RNF169: variants seen among roughly 807,000 people sequenced by gnomAD.
RNF169 encodes E3 ubiquitin-protein ligase RNF169.
Under a neutral mutation model 53.9 loss-of-function variants are expected in RNF169, and 24 were observed. The observed-to-expected ratio is 0.45, with a 90% confidence interval of 0.32 to 0.63. The LOEUF (loss-of-function observed/expected upper bound fraction) is 0.63. RNF169 is among the 20% of genes least tolerant of loss of function. The pLI is 0.04. For synonymous variants in RNF169, 396 were observed against 363.5 expected (o/e 1.09, Z -1.02); for missense variants, 883 against 906.2 (o/e 0.97, Z 0.33).
rs555688982 is a variant in RNF169 at position 74,754,066 on chromosome 11, A to ATATT, written c.502+4686_502+4689dup. Reference sequence around the variant, plus strand: ...CAACTCGTATATATTGACATATTAAATATTTGGACCATTTTGAGCAATATT... The same window carrying ATATT: ...CAACTCGTATATATTGACATATTAAATATTTATTTGGACCATTTTGAGCAATATT... On this transcript the variant is annotated intron_variant, in intron 1 of 5. Transcript: ENST00000299563. Among the ~76,000 whole-genome samples, 5 of 152,300 alleles carry ATATT rather than the reference A, an allele frequency of 3.3e-5. No homozygotes were observed. The South Asian group carries it at 1.0e-3, about 32-fold the overall frequency.
At chr11:74,753,706 A>C in intron 1 of RNF169, among the ~76,000 whole-genome samples, 1 of 152,142 alleles carries the variant, frequency 6.6e-6, no homozygotes, top group East Asian at 1.9e-4. Flanking sequence ...ACTGGTATTT[A>C]AGTGACGTTC....
intron 1 of RNF169, among the ~76,000 whole-genome samples, chr11:74,751,863 G>A (rs1396028287): frequency 6.6e-6 from 1 of 152,116 alleles, no homozygotes; most frequent in African/African-American, 2.4e-5. Flanking sequence ...GTTATATACA[G>A]TATTTTTAAA....
At chr11:74,788,655 G>A (rs2035539777) in intron 1 of RNF169, among the ~76,000 whole-genome samples, 1 of 152,122 alleles carries the variant, frequency 6.6e-6, no homozygotes, top group African/African-American at 2.4e-5. Context: ...TTGGCCTCAC[G>A]AAGTGCTTGG....
In RNF169 at chr11:74,748,879, A is replaced by G. The variant is rs998073079; in HGVS notation, c.-2A>G. ...CGACTCTCCCTTCAAACGGGAAACAAGATGGCGGCTGCAGGTCCGAGTACT... is the reference window on the plus strand; with the variant it reads ...CGACTCTCCCTTCAAACGGGAAACAGGATGGCGGCTGCAGGTCCGAGTACT... On this transcript the variant is annotated 5_prime_UTR_variant, in exon 1 of 6. Transcript: ENST00000299563. 51 of 1,418,958 alleles carry G rather than the reference A, an allele frequency of 3.6e-5. No individual in the cohort carries two copies. Among genetic ancestry groups the G allele is most frequent in the Non-Finnish European group, 4.6e-5 (50 of 1,075,450 alleles). 87.9% of individuals were successfully genotyped at this position (1,418,958 alleles called of 1,614,324 possible). A position where few individuals can be genotyped will look rare whatever the true frequency, so the allele number is the denominator to read the frequency against.
chr11:74,835,406 C>A, intron 5 of RNF169, 140 bp from the exon 6 acceptor site: 1 of 639,220 alleles, frequency 1.6e-6, no homozygotes, highest in Non-Finnish European at 2.7e-6. Context: ...TAGGGATTTT[C>A]TCCATTTCTT....
chr11:74,766,266 G>A (rs532862114), intron 1 of RNF169, among the ~76,000 whole-genome samples: 3 of 152,272 alleles, frequency 2.0e-5, no homozygotes, highest in South Asian at 2.1e-4. Context: ...ATACCACCGC[G>A]TGGACACAAT....
At chr11:74,769,053 C>G (rs1428872193) in intron 1 of RNF169, among the ~76,000 whole-genome samples, 3 of 152,038 alleles carry the variant, frequency 2.0e-5, no homozygotes, top group Non-Finnish European at 2.9e-5. Context: ...ACAAAACAAA[C>G]ACACCAGAAA....
intron 1 of RNF169, among the ~76,000 whole-genome samples, chr11:74,773,440 A>G (rs2035287797): frequency 6.6e-6 from 1 of 152,308 alleles, no homozygotes; most frequent in Admixed American, 6.5e-5. Flanking sequence ...AGGATAATAT[A>G]AAATAAGATG....
rs751056143 is a variant in RNF169 at position 74,749,370 on chromosome 11, C to T, written c.490C>T (p.Pro164Ser). 5.9e-5 allele frequency: 74 copies of T among 1,244,168 alleles called. No individual in the cohort carries two copies. The highest frequency in any genetic ancestry group is 7.1e-5 in the South Asian group (2 of 27,992). The allele number at this position is 1,244,168 out of a possible 1,614,324, so 77.1% of individuals were successfully genotyped here. A position where few individuals can be genotyped will look rare whatever the true frequency, so the allele number is the denominator to read the frequency against. Residue 164 changes from proline (P) to serine (S), a missense_variant, in exon 1 of 6, where the codon CCT (proline) becomes TCT (serine). Physicochemically the swap from Pro to Ser is moderately conservative, Grantham distance 74. This residue lies in a region of RNF169 where 313 missense variants were observed against 279.9 expected (regional missense o/e 1.12). Coordinates refer to ENST00000299563, the MANE Select transcript of RNF169 (RefSeq NM_001098638.2). ...PRPEQEPRAA[P>S]AEPDFIFRAP... Reference sequence around the variant, plus strand: ...GCCAGAGCAGGAGCCGCGTGCCGCGCCTGCGGAGCCAGGTGGAGCTTCCCC... The same window carrying T: ...GCCAGAGCAGGAGCCGCGTGCCGCGTCTGCGGAGCCAGGTGGAGCTTCCCC...
At chr11:74,815,255 A>G (rs2035927725) in intron 3 of RNF169, among the ~76,000 whole-genome samples, 1 of 152,192 alleles carries the variant, frequency 6.6e-6, no homozygotes, top group Non-Finnish European at 1.5e-5. Flanking sequence ...TTATTTTGCA[A>G]TAATTGAAAG....
chr11:74,839,884 G>T lies in RNF169; in HGVS notation c.*3154G>T, dbSNP rs941052351. ...ATCTATTTGCCTCTTTTTAAAAAAG[G>T]TTAAGTCTTCTTGGGTGAGGCTTGC... On this transcript the variant is annotated 3_prime_UTR_variant, in exon 6 of 6. Coordinates refer to ENST00000299563, the MANE Select transcript of RNF169 (RefSeq NM_001098638.2). 2.6e-5 allele frequency: 4 copies of T among 152,192 alleles called. No individual in the cohort carries two copies. The highest frequency in any genetic ancestry group is 9.7e-5 in the African/African-American group (4 of 41,446). 9.4% of individuals were successfully genotyped at this position (152,192 alleles called of 1,614,324 possible).
chr11:74,827,063 A>G (rs2036109087), intron 4 of RNF169, among the ~76,000 whole-genome samples: 1 of 152,144 alleles, frequency 6.6e-6, no homozygotes. Context: ...TCCCTTCCAC[A>G]CTGCCCTAGC....
intron 1 of RNF169, among the ~76,000 whole-genome samples, chr11:74,783,408 C>T (rs991510208): frequency 2.0e-5 from 3 of 152,154 alleles, no homozygotes; most frequent in African/African-American, 4.8e-5. Flanking sequence ...ATCCTTAGAG[C>T]GTTGCTCTTC....
chr11:74,796,657 G>C (rs1220587393), intron 2 of RNF169, among the ~76,000 whole-genome samples: 1 of 152,058 alleles, frequency 6.6e-6, no homozygotes, highest in Admixed American at 6.6e-5. Flanking sequence ...ATTGGACTCT[G>C]AAAGACTGAA....
At chr11:74,828,006 T>G (rs1269538428) in intron 4 of RNF169, among the ~76,000 whole-genome samples, 8 of 152,058 alleles carry the variant, frequency 5.3e-5, no homozygotes, top group Non-Finnish European at 1.2e-4. Context: ...GAGAAAGAAA[T>G]AAAGGGTATT....
At position 74,836,551 on chromosome 11, in the gene RNF169, G is replaced by GC. The variant is rs753410059; in HGVS notation, c.1952dup (p.Thr652AsnfsTer32). The GC allele has an allele frequency of 1.2e-6, 2 of 1,613,978 alleles. No homozygotes were observed. Among genetic ancestry groups the GC allele is most frequent in the African/African-American group, 1.3e-5 (1 of 74,904 alleles). ...ACAAACCAGTGGGGAGGTGGGTCTGGCCCCAACAGACCCAGTCCTGCGAGA... is the reference window on the plus strand; with the variant it reads ...ACAAACCAGTGGGGAGGTGGGTCTGGCCCCCAACAGACCCAGTCCTGCGAGA... On this transcript the variant is annotated frameshift_variant, in exon 6 of 6. Transcript: ENST00000299563. LOFTEE classifies it high-confidence loss of function.
At chr11:74,754,322 A>G (rs2034946482) in intron 1 of RNF169, among the ~76,000 whole-genome samples, 1 of 152,212 alleles carries the variant, frequency 6.6e-6, no homozygotes, top group Non-Finnish European at 1.5e-5. Context: ...AATTTTAAGA[A>G]TTCATTTAGT....
At chr11:74,757,794 T>G (rs1387289805) in intron 1 of RNF169, among the ~76,000 whole-genome samples, 1 of 72,140 alleles carries the variant, frequency 1.4e-5, no homozygotes, top group African/African-American at 7.2e-5. Context: ...CATAAATGTC[T>G]TCTTTTGAGA....
At chr11:74,767,498 CAGGTTCAAGCCTCCCG>C (rs1349161918) in intron 1 of RNF169, among the ~76,000 whole-genome samples, 1 of 151,952 alleles carries the variant, frequency 6.6e-6, no homozygotes, top group Non-Finnish European at 1.5e-5. Context: ...CTCCACCTGC[CAGGTTCAAGCCTCCCG>C]AGTAGCTGGG....
Sources: gnomAD v4.1 joint callset for allele counts (sites outside exome capture counted in the v4.1 genomes callset) on GRCh38, gnomAD v4.1.1 for gene constraint, gnomAD v4.1.1 regional missense constraint, MANE v1.5 for transcripts, NCBI Gene and HGNC (gene_info 2026-07-23, HGNC 2026-07-21) for gene names.